Variants in CDH18 observed in about 807,000 individuals in gnomAD.
The protein encoded by CDH18 is cadherin 18.
In CDH18, 31 loss-of-function variants were observed where a neutral mutation model predicts 67.9. The observed-to-expected ratio is 0.46, with a 90% CI of 0.34 to 0.62. The LOEUF is 0.62. CDH18 is among the 20% of genes least tolerant of loss of function. CDH18 has a pLI of 0.01. For synonymous variants in CDH18, 362 were observed against 347.2 expected, an observed-to-expected ratio of 1.04 and a Z score of -0.48; for missense variants, 890 against 975.5, an observed-to-expected ratio of 0.91 and a Z score of 1.17.
intron 9 of CDH18, among the ~76,000 whole-genome samples, chr5:19,524,383 C>T (rs1361360303): frequency 1.3e-5 from 2 of 150,492 alleles, no homozygotes; most frequent in East Asian, 3.9e-4. Context: ...GTTTACTTAT[C>T]ATGAAAATGC....
At chr5:19,829,947 C>A (rs943601075) in intron 3 of CDH18, among the ~76,000 whole-genome samples, 2 of 152,070 alleles carry the variant, frequency 1.3e-5, no homozygotes. Context: ...GGAAAAGGCT[C>A]GCTATTCAAT....
chr5:19,738,571 TA>T (rs1768667977), intron 4 of CDH18, among the ~76,000 whole-genome samples: 1 of 152,204 alleles, frequency 6.6e-6, no homozygotes, highest in Admixed American at 6.5e-5. Context: ...ATGTACCAAT[TA>T]AATCTGTATG....
chr5:19,556,230 A>G (rs1738391029), intron 8 of CDH18, among the ~76,000 whole-genome samples: 1 of 152,192 alleles, frequency 6.6e-6, no homozygotes, highest in Non-Finnish European at 1.5e-5. Context: ...ACATCCCAAA[A>G]AGATCACACT....
rs550169234 is a variant in CDH18 at position 20,119,294 on chromosome 5, T to G, written c.-517-127280A>C. 6.1e-4 allele frequency among the ~76,000 whole-genome samples: 93 copies of G among 152,300 alleles called. 1 individual carries two copies. Among genetic ancestry groups the G allele is most frequent in the Non-Finnish European group, 1.2e-3 (83 of 68,024 alleles). ...TATGGCTTTCTATTCCACTGACTCC[T>G]GTAATACCTAGATATCTTCTTTATA... On this transcript the variant is annotated intron_variant, in intron 2 of 14. Coordinates refer to the CDH18 transcript ENST00000507958.
intron 2 of CDH18, among the ~76,000 whole-genome samples, chr5:20,067,647 G>A (rs186488004): frequency 6.0e-4 from 91 of 152,158 alleles, no homozygotes; most frequent in African/African-American, 2.2e-3. Flanking sequence ...CTGTAGCAAA[G>A]CTACCAGGCC....
chr5:20,406,291 G>C (rs912957552), intron 1 of CDH18, among the ~76,000 whole-genome samples: 9 of 152,270 alleles, frequency 5.9e-5, no homozygotes, highest in African/African-American at 1.9e-4. Context: ...TCGGGACATG[G>C]ATGAAGCTGG....
At chr5:19,473,883 G>A (rs1178704035) in intron 12 of CDH18, among the ~76,000 whole-genome samples, 167 bp from the exon 13 acceptor site, 2 of 152,008 alleles carry the variant, frequency 1.3e-5, no homozygotes, top group East Asian at 1.9e-4. Flanking sequence ...ACACCGCAAG[G>A]TACTGTAATG....
chr5:19,762,041 G>T (rs932320050), intron 3 of CDH18, among the ~76,000 whole-genome samples: 3 of 152,138 alleles, frequency 2.0e-5, no homozygotes, highest in African/African-American at 7.2e-5. Flanking sequence ...CTAGCCATAT[G>T]TAGAAAGCTG....
intron 2 of CDH18, among the ~76,000 whole-genome samples, chr5:19,950,734 C>A (rs1795712854): frequency 6.6e-6 from 1 of 151,958 alleles, no homozygotes; most frequent in South Asian, 2.1e-4. Flanking sequence ...GAGAACCTAA[C>A]CACAAATAGC....
chr5:19,958,771 C>A (rs569243976), intron 2 of CDH18, among the ~76,000 whole-genome samples: 1 of 151,920 alleles, frequency 6.6e-6, no homozygotes, highest in African/African-American at 2.4e-5. Flanking sequence ...AAGTAACAAA[C>A]GAGACATGAG....
intron 1 of CDH18, among the ~76,000 whole-genome samples, chr5:20,334,918 C>A (rs1228394782): frequency 6.6e-6 from 1 of 152,134 alleles, no homozygotes; most frequent in East Asian, 1.9e-4. Context: ...GTCTCCAAAA[C>A]ACAGTGAAAA....
chr5:19,607,863 C>T (rs941840675), intron 6 of CDH18, among the ~76,000 whole-genome samples: 6 of 151,386 alleles, frequency 4.0e-5, no homozygotes. Flanking sequence ...TCTGGAATAG[C>T]TATAGGAGAC....
intron 1 of CDH18, among the ~76,000 whole-genome samples, chr5:20,543,704 T>C (rs899261734): frequency 6.6e-6 from 1 of 152,148 alleles, no homozygotes; most frequent in Non-Finnish European, 1.5e-5. Context: ...GTATTTAAAA[T>C]AAAATACCTT....
At chr5:19,603,995 T>G (rs1340911133) in intron 6 of CDH18, among the ~76,000 whole-genome samples, 1 of 147,228 alleles carries the variant, frequency 6.8e-6, no homozygotes, top group Non-Finnish European at 1.5e-5. Context: ...GCTTTGTATC[T>G]GGATGCACCA....
intron 1 of CDH18, among the ~76,000 whole-genome samples, chr5:20,562,803 A>G (rs1758291889): frequency 6.6e-6 from 1 of 151,940 alleles, no homozygotes; most frequent in East Asian, 1.9e-4. Context: ...AATAGGAACA[A>G]TTAGGTTTAA....
chr5:19,592,188 G>GGATAGATAGACA (rs1296960825), intron 6 of CDH18, among the ~76,000 whole-genome samples: 2 of 151,758 alleles, frequency 1.3e-5, no homozygotes, highest in Admixed American at 1.3e-4. Context: ...TTAGACAGAT[G>GGATAGATAGACA]GATAGATAGA....
At chr5:20,338,143 G>A (rs1346033081) in intron 1 of CDH18, among the ~76,000 whole-genome samples, 2 of 152,206 alleles carry the variant, frequency 1.3e-5, no homozygotes, top group Non-Finnish European at 2.9e-5. Flanking sequence ...TTTGGGTGGA[G>A]GCACAGCCAA....
chr5:20,410,263 G>T (rs1299152734), intron 1 of CDH18, among the ~76,000 whole-genome samples: 1 of 151,684 alleles, frequency 6.6e-6, no homozygotes, highest in Non-Finnish European at 1.5e-5. Context: ...TGAAACAATA[G>T]CACATTAAAA....
At chr5:20,539,219 C>T (rs1756913663) in intron 1 of CDH18, among the ~76,000 whole-genome samples, 1 of 152,006 alleles carries the variant, frequency 6.6e-6, no homozygotes, top group Non-Finnish European at 1.5e-5. Context: ...TGTCCTATGT[C>T]ACAGGGATAG....
Sources: gnomAD v4.1 joint callset for allele counts (sites outside exome capture counted in the v4.1 genomes callset) on GRCh38, gnomAD v4.1.1 for gene constraint, MANE v1.5 for transcripts, NCBI Gene and HGNC (gene_info 2026-07-23, HGNC 2026-07-21) for gene names.